IL23R: variants seen among roughly 807,000 people sequenced by gnomAD.
IL23R encodes interleukin-23 receptor.
Under a neutral mutation model 56.9 loss-of-function variants are expected in IL23R, and 34 were observed. The ratio of observed to expected loss-of-function variants is 0.60; its 90% confidence interval spans 0.45 to 0.80. The LOEUF (loss-of-function observed/expected upper bound fraction) is 0.80. Ranked by LOEUF, IL23R falls within the 30% of genes least tolerant of loss-of-function variation. IL23R has a pLI of 0.00. For synonymous variants in IL23R, 230 were observed against 249.2 expected, an observed-to-expected ratio of 0.92 and a Z score of 0.73; for missense variants, 635 against 730.0, an observed-to-expected ratio of 0.87 and a Z score of 1.50.
At chr1:67,208,109 C>G (rs145406011) in intron 6 of IL23R, among the ~76,000 whole-genome samples, 2 of 152,080 alleles carry the variant, frequency 1.3e-5, no homozygotes, top group Non-Finnish European at 2.9e-5. Flanking sequence ...ACTTTGAACT[C>G]GAAAGATGAT....
At chr1:67,185,747 T>C (rs1262861993) in intron 4 of IL23R, among the ~76,000 whole-genome samples, 1 of 152,196 alleles carries the variant, frequency 6.6e-6, no homozygotes, top group Admixed American at 6.5e-5. Context: ...CTACATGCCA[T>C]TGGCAAGAGG....
intron 6 of IL23R, among the ~76,000 whole-genome samples, chr1:67,208,478 G>A (rs1367037173): frequency 6.6e-6 from 1 of 152,216 alleles, no homozygotes; most frequent in Non-Finnish European, 1.5e-5. Flanking sequence ...GCAGCTTAGG[G>A]ACTTGGTGCC....
At chr1:67,228,124 C>CTT (rs1394122632) in intron 7 of IL23R, among the ~76,000 whole-genome samples, 9 of 131,966 alleles carry the variant, frequency 6.8e-5, no homozygotes, top group Admixed American at 8.5e-5. Flanking sequence ...TTCTTTCTTT[C>CTT]TTTCCTTCTT....
intron 6 of IL23R, among the ~76,000 whole-genome samples, chr1:67,215,432 C>T (rs1000757412): frequency 3.4e-4 from 51 of 152,172 alleles, no homozygotes; most frequent in African/African-American, 1.2e-3. Flanking sequence ...AACAGGCTAG[C>T]CTGGGCATGT....
At chr1:67,150,623 G>A (rs371399600) in intron 1 of IL23R, among the ~76,000 whole-genome samples, 15 of 134,568 alleles carry the variant, frequency 1.1e-4, no homozygotes, top group South Asian at 2.3e-4. Context: ...ATGGCTGCAC[G>A]TTCTGCACAT....
chr1:67,226,469 G>A (rs191490759), intron 7 of IL23R, among the ~76,000 whole-genome samples: 28 of 152,296 alleles, frequency 1.8e-4, no homozygotes, highest in East Asian at 7.7e-4. Context: ...CTCTCTGATC[G>A]TCCCCAGGGG....
intron 1 of IL23R, among the ~76,000 whole-genome samples, chr1:67,151,216 C>T (rs531637424): frequency 6.6e-6 from 1 of 152,112 alleles, no homozygotes; most frequent in African/African-American, 2.4e-5. Flanking sequence ...TGGTGATGTG[C>T]TTTTTTTCAT....
At chr1:67,224,347 T>C (rs940903743) in intron 7 of IL23R, among the ~76,000 whole-genome samples, 5 of 152,254 alleles carry the variant, frequency 3.3e-5, no homozygotes, top group African/African-American at 1.2e-4. Flanking sequence ...AGCCAAACTT[T>C]TCCAGTGCTT....
Position 67,219,658 on chromosome 1 carries a change from A to G in IL23R, c.883A>G (p.Arg295Gly). 1 of 1,614,066 alleles carries G rather than the reference A, an allele frequency of 6.2e-7. No homozygotes were observed. The highest frequency in any genetic ancestry group is 8.5e-7 in the Non-Finnish European group (1 of 1,179,898). ...AAACATTAAGTACGTATTTCAAGTG[A>G]GATGTCAAGAAACAGGCAAAAGGTA... ...EPNIKYVFQV[R>G]CQETGKRYWQ... Residue 295 changes from arginine (R) to glycine (G), a missense_variant, in exon 7 of 11, where the codon AGA becomes GGA. Transcript: ENST00000347310.
intron 1 of IL23R, among the ~76,000 whole-genome samples, chr1:67,151,294 G>A (rs1218545701): frequency 6.6e-6 from 1 of 152,050 alleles, no homozygotes; most frequent in Non-Finnish European, 1.5e-5. Context: ...ACTTTTTGAG[G>A]GGGTTGGTTT....
intron 6 of IL23R, chr1:67,207,294 A>G: frequency 1.8e-6 from 1 of 568,408 alleles, no homozygotes; most frequent in Admixed American, 2.7e-5. Flanking sequence ...GGTATGATTG[A>G]TCCTGTCACC....
At chr1:67,255,143 G>A (rs770815271) in intron 9 of IL23R, among the ~76,000 whole-genome samples, 1 of 152,074 alleles carries the variant, frequency 6.6e-6, no homozygotes, top group Non-Finnish European at 1.5e-5. Flanking sequence ...CGGTAGTTAC[G>A]GTCACCTTGG....
chr1:67,196,207 G>A (rs1019157601), intron 4 of IL23R: 24 of 152,266 alleles, frequency 1.6e-4, no homozygotes, highest in African/African-American at 5.8e-4. Flanking sequence ...CCCTGATCAA[G>A]GACGGCATGC....
intron 3 of IL23R, among the ~76,000 whole-genome samples, chr1:67,174,993 G>C (rs1416878518): frequency 6.6e-6 from 1 of 151,476 alleles, no homozygotes; most frequent in African/African-American, 2.4e-5. Flanking sequence ...AAAGTGCCTT[G>C]GAGAATTCTG....
intron 6 of IL23R, among the ~76,000 whole-genome samples, chr1:67,208,602 G>A (rs1312028163): frequency 2.6e-5 from 4 of 152,196 alleles, no homozygotes; most frequent in Non-Finnish European, 5.9e-5. Context: ...TTGAGCCTGC[G>A]GGTACACAGA....
intron 6 of IL23R, among the ~76,000 whole-genome samples, chr1:67,211,818 G>A (rs1390807661): frequency 1.3e-5 from 2 of 152,078 alleles, no homozygotes; most frequent in Non-Finnish European, 2.9e-5. Flanking sequence ...AGGCCATCTT[G>A]GTAACAGGTA....
At chr1:67,207,244 G>A (rs763754954) in intron 6 of IL23R, 189 bp downstream of exon 6, 3 of 705,016 alleles carry the variant, frequency 4.3e-6, no homozygotes, top group East Asian at 2.8e-5. Context: ...CACATGTGCA[G>A]GTTTGTTACC....
intron 9 of IL23R, among the ~76,000 whole-genome samples, chr1:67,247,429 C>A (rs907644855): frequency 1.3e-5 from 2 of 152,044 alleles, no homozygotes; most frequent in Admixed American, 1.3e-4. Flanking sequence ...CTCAGCCTCC[C>A]TAGTAGCTGG....
intron 2 of IL23R, 62 bp downstream of exon 2, chr1:67,168,252 T>A: frequency 8.6e-7 from 1 of 1,166,846 alleles, no homozygotes; most frequent in Non-Finnish European, 1.3e-6. Flanking sequence ...TGAGTGATTA[T>A]CATTTTCATG....
Sources: allele counts gnomAD v4.1 joint callset (sites outside exome capture counted in the v4.1 genomes callset), GRCh38; gene constraint gnomAD v4.1.1; transcripts MANE v1.5; gene names NCBI Gene and HGNC (gene_info 2026-07-23, HGNC 2026-07-21).